Variants in MAGI2 observed in about 807,000 individuals in gnomAD.
MAGI2 encodes membrane-associated guanylate kinase, WW and PDZ domain-containing protein 2.
Under a neutral mutation model 133.3 loss-of-function variants are expected in MAGI2, and 35 were observed. The ratio of observed to expected loss-of-function variants is 0.26; its 90% CI spans 0.20 to 0.35. MAGI2 has a LOEUF of 0.35. Ranked by LOEUF, MAGI2 falls within the 10% of genes least tolerant of loss-of-function variation. The pLI is 1.00. For missense variants in MAGI2, 1,636 were observed against 1,863.4 expected (o/e 0.88, Z 2.25); for synonymous variants, 729 against 710.6 (o/e 1.03, Z -0.41).
intron 1 of MAGI2, among the ~76,000 whole-genome samples, chr7:79,246,322 T>C (rs1223372249): frequency 6.6e-6 from 1 of 151,908 alleles, no homozygotes; most frequent in East Asian, 1.9e-4. Flanking sequence ...CAATGACCAA[T>C]CATGGAGAAG....
At chr7:79,136,844 A>T (rs191155882) in intron 1 of MAGI2, among the ~76,000 whole-genome samples, 4 of 152,318 alleles carry the variant, frequency 2.6e-5, no homozygotes, top group African/African-American at 9.6e-5. Context: ...ACAAGGCAGG[A>T]GTAATAACTT....
chr7:78,197,742 A>G (rs1378099118), intron 11 of MAGI2: 1 of 134,644 alleles, frequency 7.4e-6, no homozygotes, highest in Non-Finnish European at 1.7e-5. Flanking sequence ...AAAGGCTGTA[A>G]AGCAGAAAAT....
intron 6 of MAGI2, among the ~76,000 whole-genome samples, chr7:78,454,778 G>A (rs1442750238): frequency 1.3e-5 from 2 of 152,074 alleles, no homozygotes; most frequent in African/African-American, 2.4e-5. Context: ...AGTCATAAAA[G>A]TACCTTAAAT....
At chr7:78,687,537 T>A (rs1816451885) in intron 2 of MAGI2, among the ~76,000 whole-genome samples, 1 of 152,168 alleles carries the variant, frequency 6.6e-6, no homozygotes, top group Non-Finnish European at 1.5e-5. Context: ...CTGCATAATT[T>A]CCTAGTACTT....
chr7:78,077,513 A>G (rs1815453579), intron 21 of MAGI2, among the ~76,000 whole-genome samples: 1 of 149,884 alleles, frequency 6.7e-6, no homozygotes. Context: ...AAACTTCTGA[A>G]TGCTTTTTGA....
At chr7:78,245,465 C>T (rs1335844316) in intron 10 of MAGI2, among the ~76,000 whole-genome samples, 5 of 152,142 alleles carry the variant, frequency 3.3e-5, no homozygotes, top group Non-Finnish European at 4.4e-5. Context: ...GTCCCTACCC[C>T]ACAAGGACAG....
At chr7:79,206,883 A>G (rs1829101763) in intron 1 of MAGI2, among the ~76,000 whole-genome samples, 1 of 151,994 alleles carries the variant, frequency 6.6e-6, no homozygotes, top group Non-Finnish European at 1.5e-5. Context: ...AAGGGAATTC[A>G]TCTCAGGGAG....
chr7:78,848,764 G>A (rs1458732033), intron 2 of MAGI2, among the ~76,000 whole-genome samples: 1 of 151,888 alleles, frequency 6.6e-6, no homozygotes, highest in African/African-American at 2.4e-5. Context: ...TGACACTAAG[G>A]TCTCTGCCAA....
At chr7:78,161,701 CTGT>C (rs1825031678) in intron 15 of MAGI2, among the ~76,000 whole-genome samples, 1 of 114,120 alleles carries the variant, frequency 8.8e-6, no homozygotes, top group Non-Finnish European at 1.8e-5. Context: ...AAAAAAAAAG[CTGT>C]ATTTGTTTAT....
chr7:78,213,259 A>C (rs1007217777), intron 10 of MAGI2, among the ~76,000 whole-genome samples: 8 of 152,172 alleles, frequency 5.3e-5, no homozygotes, highest in Admixed American at 4.6e-4. Flanking sequence ...GTTTGTTAGG[A>C]ATCTCAGACC....
At chr7:78,199,145 G>C (rs1437875846) in intron 11 of MAGI2, among the ~76,000 whole-genome samples, 2 of 152,134 alleles carry the variant, frequency 1.3e-5, no homozygotes, top group Non-Finnish European at 2.9e-5. Flanking sequence ...TTCTCAACAA[G>C]CTTCTTATTG....
At chr7:79,160,811 A>G (rs967827459) in intron 1 of MAGI2, among the ~76,000 whole-genome samples, 1 of 152,056 alleles carries the variant, frequency 6.6e-6, no homozygotes, top group Admixed American at 6.6e-5. Flanking sequence ...CTTTATGATA[A>G]CTGGTATATC....
intron 2 of MAGI2, among the ~76,000 whole-genome samples, chr7:78,764,011 G>C (rs560958192): frequency 2.6e-5 from 4 of 152,292 alleles, no homozygotes; most frequent in African/African-American, 9.6e-5. Context: ...TACTACTAAG[G>C]ACATACTTTA....
At chr7:78,357,365 C>T (rs969268745) in intron 7 of MAGI2, among the ~76,000 whole-genome samples, 2 of 152,020 alleles carry the variant, frequency 1.3e-5, no homozygotes, top group Non-Finnish European at 1.5e-5. Context: ...ATTTTTTTCT[C>T]TGGGTTGATT....
intron 7 of MAGI2, among the ~76,000 whole-genome samples, chr7:78,347,822 A>G (rs1791070800): frequency 6.6e-6 from 1 of 152,200 alleles, no homozygotes; most frequent in Non-Finnish European, 1.5e-5. Flanking sequence ...CCCACTGGAA[A>G]TAAAACGTTA....
At chr7:78,995,366 A>G (rs1806189878) in intron 2 of MAGI2, among the ~76,000 whole-genome samples, 1 of 152,156 alleles carries the variant, frequency 6.6e-6, no homozygotes, top group African/African-American at 2.4e-5. Context: ...TTACTGAAAT[A>G]ATATAATTAT....
At chr7:79,121,535 A>G (rs10270450) in intron 1 of MAGI2, among the ~76,000 whole-genome samples, 3,020 of 152,126 alleles carry the variant, frequency 0.02, 120 homozygotes, top group African/African-American at 0.068. Context: ...TGCCTTATGT[A>G]TCATCCCATG....
chr7:78,364,730 G>T (rs1466076794), intron 7 of MAGI2, among the ~76,000 whole-genome samples: 2 of 152,132 alleles, frequency 1.3e-5, no homozygotes, highest in Non-Finnish European at 2.9e-5. Flanking sequence ...AAACCAAAAT[G>T]TACCCTGCAG....
chr7:79,418,919 G>A (rs1258197998), intron 1 of MAGI2, among the ~76,000 whole-genome samples: 1 of 148,066 alleles, frequency 6.8e-6, no homozygotes, highest in Non-Finnish European at 1.5e-5. Flanking sequence ...GAATTTACAA[G>A]CTCATACATT....
Sources: allele counts gnomAD v4.1 joint callset (sites outside exome capture counted in the v4.1 genomes callset), GRCh38; gene constraint gnomAD v4.1.1; transcripts MANE v1.5; gene names NCBI Gene and HGNC (gene_info 2026-07-23, HGNC 2026-07-21).